Variants in TMEM132C observed in about 807,000 individuals in gnomAD.
TMEM132C encodes the protein protein phosphatase 1, regulatory subunit 152.
In TMEM132C, 29 loss-of-function variants were observed where a neutral mutation model predicts 61.4. The ratio of observed to expected loss-of-function variants is 0.47; its 90% CI spans 0.35 to 0.64. The LOEUF (loss-of-function observed/expected upper bound fraction) is 0.64, where lower values mean the gene tolerates loss of function less well. Among genes scored for constraint, TMEM132C ranks in the 30% least tolerant of loss-of-function variants. The pLI, the probability that TMEM132C is intolerant of heterozygous loss-of-function variation, is 0.00. For missense variants in TMEM132C, 1,408 were observed against 1,476.9 expected, an observed-to-expected ratio of 0.95 and a Z score of 0.76; for synonymous variants, 656 against 633.1, an observed-to-expected ratio of 1.04 and a Z score of -0.54.
At position 128,346,024 on chromosome 12, in the gene TMEM132C, T is replaced by C. The variant is rs559334305; in HGVS notation, c.86-68708T>C. Among the ~76,000 whole-genome samples the C allele has an allele frequency of 7.9e-5, 12 of 152,320 alleles. No homozygotes were observed. The South Asian group carries it at 2.3e-3, about 29-fold the overall frequency. On this transcript the variant is annotated intron_variant, in intron 1 of 8. Coordinates refer to ENST00000435159, the MANE Select transcript of TMEM132C (RefSeq NM_001136103.3). ...CTATGGTTTTTAAAGTTTTGGGTTT[T>C]ACATTTAAGTCTTTAATCCATCTTG...
chr12:128,393,222 G>GC (rs1565922533), intron 1 of TMEM132C, among the ~76,000 whole-genome samples: 1 of 152,116 alleles, frequency 6.6e-6, no homozygotes, highest in Non-Finnish European at 1.5e-5. Flanking sequence ...TCCTGAAATT[G>GC]CCCCCCTTGC....
Position 128,489,951 on chromosome 12 carries a change from G to A in TMEM132C, c.975-54006G>A, listed in dbSNP as rs1323783462. 2.6e-5 allele frequency among the ~76,000 whole-genome samples: 4 copies of A among 152,200 alleles called. No homozygotes were observed. In the South Asian group the frequency reaches 6.2e-4, roughly 24 times the overall value. Reference sequence around the variant, plus strand: ...CGTCCACGTGTATGCCACCAAAATCGTTGTGTTTGCAGACATGTCATGGAC... The same window carrying A: ...CGTCCACGTGTATGCCACCAAAATCATTGTGTTTGCAGACATGTCATGGAC... On this transcript the variant is annotated intron_variant, in intron 2 of 8. Transcript: ENST00000435159.
At chr12:128,515,005 A>G (rs1019282375) in intron 2 of TMEM132C, among the ~76,000 whole-genome samples, 1 of 152,248 alleles carries the variant, frequency 6.6e-6, no homozygotes, top group Non-Finnish European at 1.5e-5. Context: ...CTACAATGCT[A>G]AGAGTCTGGA....
chr12:128,567,542 A>G (rs1403312979), intron 3 of TMEM132C, among the ~76,000 whole-genome samples: 1 of 152,106 alleles, frequency 6.6e-6, no homozygotes, highest in Non-Finnish European at 1.5e-5. Flanking sequence ...ATGTATATCC[A>G]GTCATCATGT....
intron 2 of TMEM132C, among the ~76,000 whole-genome samples, chr12:128,488,477 A>G (rs908489300): frequency 2.6e-5 from 4 of 152,162 alleles, no homozygotes; most frequent in African/African-American, 9.7e-5. Context: ...CCTGGTCAAC[A>G]TGGTGAAACC....
chr12:128,487,534 G>A (rs141032111), intron 2 of TMEM132C, among the ~76,000 whole-genome samples: 23 of 151,804 alleles, frequency 1.5e-4, no homozygotes, highest in African/African-American at 5.3e-4. Flanking sequence ...AAGCACACAC[G>A]TGAAAGGCGT....
intron 3 of TMEM132C, among the ~76,000 whole-genome samples, chr12:128,550,703 A>G (rs1414464620): frequency 6.6e-6 from 1 of 152,190 alleles, no homozygotes; most frequent in African/African-American, 2.4e-5. Context: ...TGCTCTCCAA[A>G]TATAGTCACA....
chr12:128,494,489 G>A (rs971898228), intron 2 of TMEM132C, among the ~76,000 whole-genome samples: 2 of 152,082 alleles, frequency 1.3e-5, no homozygotes, highest in African/African-American at 2.4e-5. Context: ...GACTTCTTTT[G>A]GTTGGTAGGC....
At chr12:128,576,260 AAGGGGAGGGGAGGGG>A (rs572512108) in intron 3 of TMEM132C, among the ~76,000 whole-genome samples, 1 of 144,948 alleles carries the variant, frequency 6.9e-6, no homozygotes, top group Admixed American at 6.8e-5. Flanking sequence ...AAAAGATTAG[AAGGGGAGGGGAGGGG>A]AGGGGAGGGG....
In TMEM132C at chr12:128,500,665, A is replaced by G. The variant is rs185938695; in HGVS notation, c.975-43292A>G. On this transcript the variant is annotated intron_variant, in intron 2 of 8. Transcript: ENST00000435159. ...GAGATACCACTTCACACCCATTAGGATGGCAATAATCAAAAGACCACAGAC... is the reference window on the plus strand; with the variant it reads ...GAGATACCACTTCACACCCATTAGGGTGGCAATAATCAAAAGACCACAGAC... 7.2e-4 allele frequency among the ~76,000 whole-genome samples: 109 copies of G among 152,298 alleles called. 2 individuals are homozygous for G. The highest frequency in any genetic ancestry group is 2.5e-3 in the African/African-American group (105 of 41,568).
At chr12:128,333,721 A>C (rs1255239340) in intron 1 of TMEM132C, among the ~76,000 whole-genome samples, 1 of 146,494 alleles carries the variant, frequency 6.8e-6, no homozygotes, top group Non-Finnish European at 1.5e-5. Flanking sequence ...TATGTATGAG[A>C]GTGTGTGGTT....
chr12:128,350,951 C>T (rs1873319178), intron 1 of TMEM132C, among the ~76,000 whole-genome samples: 1 of 152,028 alleles, frequency 6.6e-6, no homozygotes, highest in Non-Finnish European at 1.5e-5. Flanking sequence ...AATGGCAGGA[C>T]CCCAGCAGCT....
chr12:128,523,812 A>AAG, intron 2 of TMEM132C, among the ~76,000 whole-genome samples: 1 of 10,852 alleles, frequency 9.2e-5, no homozygotes, highest in African/African-American at 3.4e-4. Flanking sequence ...CAAGCCCAGG[A>AAG]AAAAAAAAAA....
At chr12:128,585,624 CAT>C (rs1234975241) in intron 3 of TMEM132C, among the ~76,000 whole-genome samples, 1 of 152,212 alleles carries the variant, frequency 6.6e-6, no homozygotes, top group Non-Finnish European at 1.5e-5. Context: ...AAATGAGTCA[CAT>C]GTGTACCCAA....
intron 2 of TMEM132C, among the ~76,000 whole-genome samples, chr12:128,537,893 G>A (rs1873592234): frequency 6.6e-6 from 1 of 152,144 alleles, no homozygotes; most frequent in African/African-American, 2.4e-5. Context: ...TATCATTGGG[G>A]GAAGCTGGAT....
chr12:128,461,817 C>T (rs1000486304), intron 2 of TMEM132C, among the ~76,000 whole-genome samples: 10 of 152,144 alleles, frequency 6.6e-5, no homozygotes, highest in Admixed American at 3.3e-4. Flanking sequence ...TGCTTCAATT[C>T]CCAAGCCCCA....
chr12:128,331,889 T>G (rs1872673535), intron 1 of TMEM132C, among the ~76,000 whole-genome samples: 1 of 152,232 alleles, frequency 6.6e-6, no homozygotes, highest in African/African-American at 2.4e-5. Flanking sequence ...GAAGTTGTGG[T>G]TGAATCCATT....
intron 2 of TMEM132C, among the ~76,000 whole-genome samples, chr12:128,510,527 C>A (rs560752804): frequency 2.6e-5 from 4 of 152,188 alleles, no homozygotes; most frequent in Non-Finnish European, 5.9e-5. Context: ...TTTGACTTCA[C>A]CCCCTGCATT....
intron 2 of TMEM132C, among the ~76,000 whole-genome samples, chr12:128,506,877 G>A (rs968732313): frequency 1.3e-5 from 2 of 152,172 alleles, no homozygotes; most frequent in Non-Finnish European, 1.5e-5. Context: ...GCTGGACGGT[G>A]TGACCACGAC....
Sources: allele counts gnomAD v4.1 joint callset (sites outside exome capture counted in the v4.1 genomes callset), GRCh38; gene constraint gnomAD v4.1.1; transcripts MANE v1.5; gene names NCBI Gene and HGNC (gene_info 2026-07-23, HGNC 2026-07-21).